Variants in NBPF15 observed in about 807,000 individuals in gnomAD.
The protein encoded by NBPF15 is NBPF member 15.
NBPF15 carries 74 observed loss-of-function variants against 62.2 expected under a neutral mutation model. The ratio of observed to expected loss-of-function variants is 1.19; its 90% confidence interval spans 0.99 to 1.44. NBPF15 has a LOEUF of 1.44. NBPF15 is among the 40% of genes most tolerant of loss of function. The pLI, the probability that NBPF15 is intolerant of heterozygous loss-of-function variation, is 0.00. For missense variants in NBPF15, 790 were observed against 550.0 expected, an observed-to-expected ratio of 1.44 and a Z score of -4.36; for synonymous variants, 244 against 209.7, an observed-to-expected ratio of 1.16 and a Z score of -1.41.
chr1:144,441,728 CTA>C (rs1683049875), intron 6 of NBPF15, among the ~76,000 whole-genome samples: 1 of 151,192 alleles, frequency 6.6e-6, no homozygotes, highest in Non-Finnish European at 1.5e-5. Flanking sequence ...AAACTATTTC[CTA>C]TTTTTCCTTT....
chr1:144,444,061 T>G (rs579595), intron 6 of NBPF15, among the ~76,000 whole-genome samples: 1 of 151,974 alleles, frequency 6.6e-6, no homozygotes, highest in Non-Finnish European at 1.5e-5. Flanking sequence ...TGTAATGTCT[T>G]GTAAATACTG....
Position 144,439,954 on chromosome 1 carries a change from A to G in NBPF15, c.50T>C (p.Ile17Thr). The change falls in exon 8 of 22, where the codon ATT becomes ACT. Residue 17 changes from isoleucine (I) to threonine (T), a missense_variant. Ile to Thr is a moderately conservative substitution (Grantham distance 89). Transcript: ENST00000581897. ...PLSSEKAEMN[I>T]LEINEKLRPQ... ...GCGCAATTTCTCATTGATTTCTAGA[A>G]TGTTCATCTCTGCCTTCTCGCTGGA... is the stretch of plus-strand genomic sequence containing the variant. 1 of 1,610,904 alleles carries G rather than the reference A, an allele frequency of 6.2e-7. No individual in the cohort carries two copies. The highest frequency in any genetic ancestry group is 8.5e-7 in the Non-Finnish European group (1 of 1,178,694).
intron 21 of NBPF15, among the ~76,000 whole-genome samples, chr1:144,423,461 G>C (rs61812438): frequency 1.3e-5 from 2 of 151,768 alleles, no homozygotes; most frequent in African/African-American, 4.8e-5. Flanking sequence ...GACAGAGAGA[G>C]AGAGACAGAG....
intron 8 of NBPF15, among the ~76,000 whole-genome samples, chr1:144,438,631 T>C (rs1395096628): frequency 6.6e-6 from 1 of 152,072 alleles, no homozygotes; most frequent in African/African-American, 2.4e-5. Flanking sequence ...TTTGTGTTAA[T>C]TTAGAAACAG....
At chr1:144,454,930 G>A (rs1693432415) in intron 4 of NBPF15, among the ~76,000 whole-genome samples, 1 of 151,236 alleles carries the variant, frequency 6.6e-6, no homozygotes, top group Admixed American at 6.6e-5. Flanking sequence ...CTACAAGACA[G>A]AAGCAGCTCC....
chr1:144,438,591 T>A (rs1680430203), intron 8 of NBPF15, among the ~76,000 whole-genome samples: 1 of 152,036 alleles, frequency 6.6e-6, no homozygotes, highest in African/African-American at 2.4e-5. Context: ...CATAAGGCCA[T>A]GAAGGAAATA....
intron 13 of NBPF15, among the ~76,000 whole-genome samples, chr1:144,430,945 C>G (rs1218358632): frequency 1.3e-5 from 2 of 151,930 alleles, no homozygotes; most frequent in Non-Finnish European, 2.9e-5. Context: ...GCTTCAGTAG[C>G]CAATTCGATC....
In NBPF15 at chr1:144,440,517, A is replaced by T. The variant is rs1196719556; in HGVS notation, c.-190-222T>A. 6.1e-5 allele frequency: 23 copies of T among 374,874 alleles called. No individual in the cohort carries two copies. The East Asian group carries it at 6.9e-4, about 11-fold the overall frequency. 23.2% of individuals were successfully genotyped at this position (374,874 alleles called of 1,614,324 possible). ...CCCAATACATCTAAGCATATTCCTCACTGTTTATCTCTTGTCTGTACAACA... is the reference window on the plus strand; with the variant it reads ...CCCAATACATCTAAGCATATTCCTCTCTGTTTATCTCTTGTCTGTACAACA... On this transcript the variant is annotated intron_variant, in intron 6 of 21. Transcript: ENST00000581897.
chr1:144,430,924 T>A (rs1207905874), intron 13 of NBPF15, among the ~76,000 whole-genome samples: 4,008 of 152,000 alleles, frequency 0.026, 173 homozygotes, highest in African/African-American at 0.091. Context: ...AACTACGTGG[T>A]GCATGCACAA....
At chr1:144,456,996 T>C (rs1648380964) in intron 3 of NBPF15, among the ~76,000 whole-genome samples, 191 bp from the exon 4 acceptor site, 1 of 150,526 alleles carries the variant, frequency 6.6e-6, no homozygotes, top group Admixed American at 6.6e-5. Flanking sequence ...GGCAACATAG[T>C]AAGACCCCAT....
chr1:144,459,848 G>A (rs4950230), intron 2 of NBPF15, among the ~76,000 whole-genome samples: 9 of 151,534 alleles, frequency 5.9e-5, no homozygotes, highest in Admixed American at 1.3e-4. Context: ...GGTAACCAGA[G>A]TATCCCTGCT....
intron 13 of NBPF15, among the ~76,000 whole-genome samples, chr1:144,431,496 T>C (rs1350830211): frequency 6.6e-6 from 1 of 151,470 alleles, no homozygotes; most frequent in Non-Finnish European, 1.5e-5. Context: ...TATATACAGA[T>C]ATATATATTT....
intron 12 of NBPF15, among the ~76,000 whole-genome samples, chr1:144,434,736 C>A (rs1429650339): frequency 6.6e-6 from 1 of 151,784 alleles, no homozygotes; most frequent in Non-Finnish European, 1.5e-5. Context: ...TTTCCAAATA[C>A]AAAGGCAAGG....
Position 144,456,367 on chromosome 1 carries a change from C to T in NBPF15, c.-432+170G>A, listed in dbSNP as rs756234520. Among the ~76,000 whole-genome samples, 130 of 152,114 alleles carry T rather than the reference C, an allele frequency of 8.5e-4. 5 individuals are homozygous for T. The highest frequency in any genetic ancestry group is 2.9e-3 in the African/African-American group (120 of 41,496). ...GGCACTGCAGGTCGAGGGTGGCACA[C>T]GCTGTGAATATTTGTTCATTCACCT... is the stretch of plus-strand genomic sequence containing the variant. On this transcript the variant is annotated intron_variant, in intron 4 of 21. Transcript: ENST00000581897.
intron 13 of NBPF15, among the ~76,000 whole-genome samples, chr1:144,432,279 G>C (rs1351613495): frequency 1.3e-5 from 2 of 151,586 alleles, no homozygotes; most frequent in African/African-American, 4.9e-5. Context: ...GTCACCACCA[G>C]GCCTGCCTTA....
chr1:144,455,679 C>A (rs587678139), intron 4 of NBPF15, among the ~76,000 whole-genome samples: 3,443 of 152,070 alleles, frequency 0.023, 86 homozygotes, highest in Middle Eastern at 0.068. Flanking sequence ...TCTCACTGGA[C>A]TTCCCTCCTT....
At chr1:144,438,694 G>A (rs1394073318) in intron 8 of NBPF15, among the ~76,000 whole-genome samples, 1 of 151,886 alleles carries the variant, frequency 6.6e-6, no homozygotes, top group African/African-American at 2.4e-5. Context: ...AATGTTCTAG[G>A]AGATTGACAA....
At chr1:144,429,124 G>T (rs1289716294) in intron 14 of NBPF15, among the ~76,000 whole-genome samples, 3 of 151,782 alleles carry the variant, frequency 2.0e-5, no homozygotes, top group Admixed American at 6.6e-5. Flanking sequence ...AGCTATTATG[G>T]CTTTTGTGGG....
chr1:144,445,323 A>C (rs1442845145), intron 6 of NBPF15, among the ~76,000 whole-genome samples: 1 of 115,326 alleles, frequency 8.7e-6, no homozygotes, highest in Non-Finnish European at 1.8e-5. Context: ...GATAATCTTC[A>C]AAACGGTGAA....
Sources: allele counts gnomAD v4.1 joint callset (sites outside exome capture counted in the v4.1 genomes callset), GRCh38; gene constraint gnomAD v4.1.1; transcripts MANE v1.5; gene names NCBI Gene and HGNC (gene_info 2026-07-23, HGNC 2026-07-21).